Variants in LEKR1 observed in about 807,000 individuals in gnomAD.
The protein encoded by LEKR1 is protein LEKR1.
LEKR1 carries 59 observed loss-of-function variants against 72.4 expected under a neutral mutation model. That is an observed-to-expected ratio of 0.82 (90% CI 0.66 to 1.01). LEKR1 has a LOEUF of 1.01. LEKR1 is among the 50% of genes least tolerant of loss of function. The pLI, the probability that LEKR1 is intolerant of heterozygous loss-of-function variation, is 0.00. For synonymous variants in LEKR1, 257 were observed against 263.2 expected (o/e 0.98, Z 0.23); for missense variants, 728 against 759.2 (o/e 0.96, Z 0.48).
At chr3:156,901,643 AAATGGAAG>A (rs1722047082) in intron 3 of LEKR1, among the ~76,000 whole-genome samples, 1 of 152,192 alleles carries the variant, frequency 6.6e-6, no homozygotes, top group African/African-American at 2.4e-5. Flanking sequence ...TCACATCTAA[AAATGGAAG>A]AATGGAAAAT....
chr3:156,922,788 G>A (rs1724332364), intron 4 of LEKR1, among the ~76,000 whole-genome samples: 1 of 152,086 alleles, frequency 6.6e-6, no homozygotes, highest in Admixed American at 6.6e-5. Flanking sequence ...ATGAAATATA[G>A]ATATATTTCA....
chr3:156,880,955 C>T (rs1182291228), intron 3 of LEKR1, among the ~76,000 whole-genome samples: 1 of 152,216 alleles, frequency 6.6e-6, no homozygotes, highest in African/African-American at 2.4e-5. Flanking sequence ...CAAAAACCTT[C>T]ATGCTAAAAA....
chr3:156,885,334 T>C (rs1341575095), intron 3 of LEKR1, among the ~76,000 whole-genome samples: 2 of 152,176 alleles, frequency 1.3e-5, no homozygotes, highest in African/African-American at 4.8e-5. Context: ...GCTGGTGTGA[T>C]CTTTTGGGGA....
At chr3:156,950,903 A>G (rs1012878171) in intron 6 of LEKR1, among the ~76,000 whole-genome samples, 1 of 151,398 alleles carries the variant, frequency 6.6e-6, no homozygotes, top group Non-Finnish European at 1.5e-5. Flanking sequence ...CCAATGCTAT[A>G]TCGAGTAGGA....
At position 156,890,860 on chromosome 3, in the gene LEKR1, CTTTTTTTT is replaced by C. The variant is rs111265584; in HGVS notation, c.264-29705_264-29698del. Among the ~76,000 whole-genome samples, 9 of 135,726 alleles carry C rather than the reference CTTTTTTTT, an allele frequency of 6.6e-5. No individual in the cohort carries two copies. In the East Asian group the frequency reaches 1.9e-3, roughly 28 times the overall value. The allele number at this position is 135,726 out of a possible 152,430, so 89.0% of individuals were successfully genotyped here. A position where few individuals can be genotyped will look rare whatever the true frequency, so the allele number is the denominator to read the frequency against. ...AGTTGTTTTTTTTCTAAAAGTTATC[CTTTTTTTT>C]TTTTTTTTTGAGATGGAGTCTCACT... On this transcript the variant is annotated intron_variant, in intron 3 of 12. Coordinates refer to ENST00000356539, the MANE Select transcript of LEKR1 (RefSeq NM_001004316.3).
intron 2 of LEKR1, among the ~76,000 whole-genome samples, chr3:156,845,762 T>TTC (rs1201373300): frequency 6.6e-6 from 1 of 152,130 alleles, no homozygotes; most frequent in African/African-American, 2.4e-5. Flanking sequence ...CAGGTAGTGA[T>TTC]TCCCCCCACT....
chr3:157,013,843 T>C (rs570472528), intron 10 of LEKR1, among the ~76,000 whole-genome samples: 9 of 152,220 alleles, frequency 5.9e-5, no homozygotes, highest in African/African-American at 1.9e-4. Flanking sequence ...TTTACAAATA[T>C]ATAATACACA....
intron 6 of LEKR1, among the ~76,000 whole-genome samples, chr3:156,969,111 G>A (rs1331023199): frequency 1.3e-5 from 2 of 151,706 alleles, no homozygotes; most frequent in African/African-American, 4.8e-5. Context: ...AGAATCTCTG[G>A]GACACATTCA....
At chr3:156,901,158 TAA>T (rs1721995714) in intron 3 of LEKR1, among the ~76,000 whole-genome samples, 1 of 152,090 alleles carries the variant, frequency 6.6e-6, no homozygotes, top group Non-Finnish European at 1.5e-5. Context: ...GAGAAGAAAA[TAA>T]AAGTCTTTCT....
In LEKR1 at chr3:157,045,670, C is replaced by G; in HGVS notation, c.1999C>G (p.Pro667Ala). Residue 667 changes from proline (P) to alanine (A), a missense_variant, in exon 13 of 13, where the codon CCC (proline) becomes GCC (alanine). Transcript: ENST00000356539. ...GCCCATTCTCCCCCAGCCACATCCT[C>G]CCAGGGGTGGAGCATCTTCAGCAAA... The part of the protein sequence containing the change: ...GVPILPQPHP[P>A]RGGASSANET... The G allele has an allele frequency of 6.2e-7, 1 of 1,614,046 alleles. No individual in the cohort carries two copies. Among genetic ancestry groups the G allele is most frequent in the Non-Finnish European group, 8.5e-7 (1 of 1,180,006 alleles).
intron 6 of LEKR1, among the ~76,000 whole-genome samples, chr3:156,960,732 A>T (rs1041881969): frequency 6.6e-6 from 1 of 152,176 alleles, no homozygotes; most frequent in Non-Finnish European, 1.5e-5. Context: ...ATATAGTTTA[A>T]TAGTGGTTTA....
intron 3 of LEKR1, among the ~76,000 whole-genome samples, chr3:156,854,574 C>G (rs1227422715): frequency 1.4e-5 from 2 of 146,906 alleles, no homozygotes; most frequent in East Asian, 2.0e-4. Context: ...GGGTCTTTCT[C>G]TGTTGCCCAG....
chr3:157,034,250 C>T lies in LEKR1; in HGVS notation c.1668+5848C>T, dbSNP rs181727409. On this transcript the variant is annotated intron_variant, in intron 12 of 12. Coordinates refer to ENST00000356539, the MANE Select transcript of LEKR1 (RefSeq NM_001004316.3). Reference sequence around the variant, plus strand: ...AGAAATATATTTCATAAGATGATAGCTGTCATAGTTATTGATTCCTCTGAT... The same window carrying T: ...AGAAATATATTTCATAAGATGATAGTTGTCATAGTTATTGATTCCTCTGAT... Among the ~76,000 whole-genome samples, 24 of 152,248 alleles carry T rather than the reference C, an allele frequency of 1.6e-4. No homozygotes were observed. The South Asian group carries it at 3.9e-3, about 25-fold the overall frequency.
intron 6 of LEKR1, among the ~76,000 whole-genome samples, chr3:156,948,927 C>G (rs777788715): frequency 5.3e-5 from 8 of 151,206 alleles, no homozygotes; most frequent in Non-Finnish European, 8.9e-5. Context: ...TGATAGTGAA[C>G]TTTTTTTTCC....
intron 9 of LEKR1, among the ~76,000 whole-genome samples, chr3:156,997,822 A>G (rs1432307349): frequency 1.3e-5 from 2 of 152,250 alleles, no homozygotes; most frequent in East Asian, 1.9e-4. Context: ...AAATAAGGGA[A>G]TTAGTAACTA....
chr3:156,956,433 G>A (rs1471295496), intron 6 of LEKR1, among the ~76,000 whole-genome samples: 6 of 151,986 alleles, frequency 3.9e-5, no homozygotes, highest in African/African-American at 1.2e-4. Flanking sequence ...CTGCTGCTGC[G>A]AAAATGGCAG....
chr3:157,031,367 A>T (rs1734595906), intron 12 of LEKR1, among the ~76,000 whole-genome samples: 1 of 152,096 alleles, frequency 6.6e-6, no homozygotes, highest in Non-Finnish European at 1.5e-5. Flanking sequence ...GGTAAAGAAA[A>T]CCAATTAAGG....
At chr3:156,974,995 A>G (rs577311949) in intron 6 of LEKR1, among the ~76,000 whole-genome samples, 1 of 152,248 alleles carries the variant, frequency 6.6e-6, no homozygotes, top group South Asian at 2.1e-4. Flanking sequence ...GCCACCACCA[A>G]TGATAATAGC....
chr3:156,957,496 A>T (rs1727752643), intron 6 of LEKR1, among the ~76,000 whole-genome samples: 1 of 151,912 alleles, frequency 6.6e-6, no homozygotes, highest in African/African-American at 2.4e-5. Flanking sequence ...CACCCAACAC[A>T]TCTTTCAAGA....
Sources: gnomAD v4.1 joint callset for allele counts (sites outside exome capture counted in the v4.1 genomes callset) on GRCh38, gnomAD v4.1.1 for gene constraint, MANE v1.5 for transcripts, NCBI Gene and HGNC (gene_info 2026-07-23, HGNC 2026-07-21) for gene names.